OR56A3: variants seen among roughly 807,000 people sequenced by gnomAD.
The protein encoded by OR56A3 is olfactory receptor 56A3.
In OR56A3, 23 loss-of-function variants were observed where a neutral mutation model predicts 17.5. The observed-to-expected ratio is 1.32, with a 90% CI of 0.95 to 1.87. OR56A3 has a LOEUF of 1.87. Ranked by LOEUF, OR56A3 falls within the 40% of genes most tolerant of loss-of-function variation. The probability of loss-of-function intolerance (pLI) is 0.00; values close to 1 mark genes in which losing one functional copy is unlikely to be tolerated. For missense variants in OR56A3, 366 were observed against 380.1 expected (o/e 0.96, Z 0.31); for synonymous variants, 175 against 150.6 (o/e 1.16, Z -1.19).
chr11:5,960,355 C>T, the OR56A3 span, among the ~76,000 whole-genome samples: 3 of 152,114 alleles, frequency 2.0e-5, no homozygotes, highest in Non-Finnish European at 4.4e-5. Flanking sequence ...ACTGCAGCCT[C>T]CCTGCCTGAT....
At chr11:5,977,268 A>G in the OR56A3 span, among the ~76,000 whole-genome samples, 5 of 152,102 alleles carry the variant, frequency 3.3e-5, no homozygotes, top group African/African-American at 4.8e-5. Flanking sequence ...GTTCTGTACT[A>G]TGTTCTTTGA....
chr11:5,986,612 C>A, the OR56A3 span: 1 of 1,613,902 alleles, frequency 6.2e-7, no homozygotes, highest in South Asian at 1.1e-5. Context: ...ATCTCGTGGG[C>A]ATGAACCAGG....
the OR56A3 span, chr11:5,993,787 C>A: frequency 4.0e-6 from 1 of 250,112 alleles, no homozygotes; most frequent in South Asian, 5.0e-5. Context: ...AAAGTATTAT[C>A]ACTTTAACAT....
the OR56A3 span, among the ~76,000 whole-genome samples, chr11:5,993,285 T>C: frequency 6.6e-6 from 1 of 152,158 alleles, no homozygotes; most frequent in African/African-American, 2.4e-5. Flanking sequence ...AAGCAGAGGA[T>C]TGAGACATGA....
the OR56A3 span, chr11:5,994,954 C>T: frequency 5.5e-6 from 4 of 732,802 alleles, no homozygotes; most frequent in African/African-American, 5.2e-5. Context: ...CTGCCAGACC[C>T]CCGGCCATCC....
downstream of OR56A3, among the ~76,000 whole-genome samples, chr11:5,955,021 T>C (rs1847925493): frequency 6.6e-6 from 1 of 152,194 alleles, no homozygotes; most frequent in Non-Finnish European, 1.5e-5. Flanking sequence ...GCTGCAAATA[T>C]ACAGGAATAA....
chr11:5,969,806 A>G, the OR56A3 span, among the ~76,000 whole-genome samples: 1 of 152,220 alleles, frequency 6.6e-6, no homozygotes, highest in Admixed American at 6.5e-5. Context: ...CTAAAAGGGG[A>G]CAAGTGACTG....
chr11:5,977,261 CT>C, the OR56A3 span, among the ~76,000 whole-genome samples: 1 of 152,096 alleles, frequency 6.6e-6, no homozygotes, highest in Non-Finnish European at 1.5e-5. Flanking sequence ...AATTGTAGTT[CT>C]GTACTATGTT....
At chr11:5,959,166 T>C in the OR56A3 span, among the ~76,000 whole-genome samples, 1 of 152,192 alleles carries the variant, frequency 6.6e-6, no homozygotes, top group Admixed American at 6.5e-5. Flanking sequence ...CTAGATCATA[T>C]GGCAGTTCTA....
chr11:5,943,851 A>G (rs527409733), intron 1 of OR56A3, among the ~76,000 whole-genome samples: 36 of 152,244 alleles, frequency 2.4e-4, no homozygotes, highest in Non-Finnish European at 2.6e-4. Flanking sequence ...ATAAATGACA[A>G]GAAAGTAATG....
chr11:5,967,853 G>A, the OR56A3 span: 5 of 1,568,816 alleles, frequency 3.2e-6, 1 homozygote, highest in South Asian at 3.5e-5. Flanking sequence ...CAATAAGGAT[G>A]AGGTCAGAGC....
At chr11:6,017,504 G>C in the OR56A3 span, among the ~76,000 whole-genome samples, 5 of 152,130 alleles carry the variant, frequency 3.3e-5, no homozygotes, top group Non-Finnish European at 7.4e-5. Context: ...GGAGAGAATA[G>C]AATGCTATGT....
the OR56A3 span, chr11:5,986,498 A>C: frequency 6.2e-7 from 1 of 1,613,914 alleles, no homozygotes; most frequent in Non-Finnish European, 8.5e-7. Context: ...AAGGGGTGAC[A>C]AATGGCTACA....
chr11:5,986,629 G>T, the OR56A3 span: 87 of 1,613,944 alleles, frequency 5.4e-5, no homozygotes, highest in African/African-American at 7.5e-4. Flanking sequence ...CAGGAGCACT[G>T]CAAGGGCTTT....
chr11:5,987,002 A>T, the OR56A3 span: 1 of 1,411,484 alleles, frequency 7.1e-7, no homozygotes. Context: ...GAATAAAGTG[A>T]CTTCAACTGC....
At chr11:6,008,216 A>G in the OR56A3 span, among the ~76,000 whole-genome samples, 1 of 152,118 alleles carries the variant, frequency 6.6e-6, no homozygotes, top group Admixed American at 6.5e-5. Flanking sequence ...TCCTCCCCAC[A>G]ACTTCTGAGA....
chr11:5,994,384 T>A, the OR56A3 span: 1 of 713,682 alleles, frequency 1.4e-6, no homozygotes, highest in Non-Finnish European at 2.6e-6. Context: ...TCTCTGTTCT[T>A]CCCAGCCAGC....
chr11:6,004,211 G>A, the OR56A3 span, among the ~76,000 whole-genome samples: 8 of 152,276 alleles, frequency 5.3e-5, no homozygotes, highest in South Asian at 1.2e-3. Context: ...AATTAGCTGG[G>A]TGTGGTGGTG....
At chr11:5,943,526 A>AC (rs1253582153) in intron 1 of OR56A3, 1 of 151,654 alleles carries the variant, frequency 6.6e-6, no homozygotes, top group East Asian at 1.9e-4. Flanking sequence ...AAAAAAAAAA[A>AC]AAAAAACCAC....
Sources: gnomAD v4.1 joint callset for allele counts (sites outside exome capture counted in the v4.1 genomes callset) on GRCh38, gnomAD v4.1.1 for gene constraint, MANE v1.5 for transcripts, NCBI Gene and HGNC (gene_info 2026-07-23, HGNC 2026-07-21) for gene names.